The following STXBP6 variants were observed in gnomAD, a reference collection of about 807,000 sequenced individuals.
The protein encoded by STXBP6 is syntaxin-binding protein 6.
A neutral mutation model predicts 26.9 loss-of-function variants in STXBP6; 21 were observed. The observed-to-expected ratio is 0.78, with a 90% CI of 0.55 to 1.12. The LOEUF (loss-of-function observed/expected upper bound fraction) is 1.12, where lower values mean the gene tolerates loss of function less well. Among genes scored for constraint, STXBP6 ranks in the 50% most tolerant of loss-of-function variants. STXBP6 has a pLI of 0.00. For missense variants in STXBP6, 232 were observed against 257.9 expected (o/e 0.90, Z 0.69); for synonymous variants, 97 against 92.6 (o/e 1.05, Z -0.27).
intron 2 of STXBP6, among the ~76,000 whole-genome samples, chr14:24,932,875 G>A (rs1363104516): frequency 6.3e-5 from 6 of 95,556 alleles, no homozygotes; most frequent in Non-Finnish European, 9.2e-5. Context: ...GGTGAACAAA[G>A]AGGAAATCAA....
At chr14:25,027,314 CA>C (rs145615623) in intron 1 of STXBP6, among the ~76,000 whole-genome samples, 7,081 of 152,214 alleles carry the variant, frequency 0.047, 570 homozygotes, top group African/African-American at 0.16. Flanking sequence ...GATAATTTTG[CA>C]ATATTTAAAA....
intron 2 of STXBP6, among the ~76,000 whole-genome samples, chr14:24,917,017 C>T (rs1347291821): frequency 6.6e-6 from 1 of 152,058 alleles, no homozygotes; most frequent in Non-Finnish European, 1.5e-5. Context: ...TGGCACAGAT[C>T]AGCCCCAACA....
chr14:24,933,829 T>TA (rs1317239458), intron 2 of STXBP6, among the ~76,000 whole-genome samples: 1 of 151,984 alleles, frequency 6.6e-6, no homozygotes, highest in African/African-American at 2.4e-5. Context: ...ACGTAATTAT[T>TA]AAAAAAGAAA....
Position 24,861,722 on chromosome 14 carries a change from G to A in STXBP6, c.155-4565C>T, listed in dbSNP as rs951319146. On this transcript the variant is annotated intron_variant, in intron 2 of 5. Coordinates refer to ENST00000323944, the MANE Select transcript of STXBP6 (RefSeq NM_001394410.1). ...TCTCTGCTATAGTTAGTGGGAAATG[G>A]AGCATGGTGCTCTCCACACAGGATT... Among the ~76,000 whole-genome samples, 4 of 152,188 alleles carry A rather than the reference G, an allele frequency of 2.6e-5. No individual in the cohort carries two copies. In the East Asian group the frequency reaches 7.7e-4, roughly 29 times the overall value.
intron 4 of STXBP6, among the ~76,000 whole-genome samples, chr14:24,844,735 C>G (rs779369231): frequency 6.6e-6 from 1 of 152,140 alleles, no homozygotes; most frequent in African/African-American, 2.4e-5. Context: ...ATTTCAGGTG[C>G]TCATGTTGAA....
chr14:24,972,729 G>T (rs1829375473), intron 2 of STXBP6, among the ~76,000 whole-genome samples: 1 of 152,132 alleles, frequency 6.6e-6, no homozygotes, highest in African/African-American at 2.4e-5. Context: ...ACCTGGGCTG[G>T]GTGTGATAGC....
At chr14:24,914,610 G>A (rs767676112) in intron 2 of STXBP6, among the ~76,000 whole-genome samples, 1 of 152,122 alleles carries the variant, frequency 6.6e-6, no homozygotes, top group African/African-American at 2.4e-5. Flanking sequence ...TGCCAGGGCC[G>A]CAGCCCCTCA....
intron 2 of STXBP6, among the ~76,000 whole-genome samples, chr14:24,890,066 G>A (rs909835604): frequency 6.6e-6 from 1 of 152,210 alleles, no homozygotes. Flanking sequence ...GTATTGCTAT[G>A]GACTGCAAAG....
chr14:24,837,066 T>C (rs1386813118), intron 4 of STXBP6, among the ~76,000 whole-genome samples: 1 of 152,230 alleles, frequency 6.6e-6, no homozygotes, highest in East Asian at 1.9e-4. Flanking sequence ...AGAGTATATA[T>C]GGCATTGCAA....
chr14:24,866,925 G>T (rs529960362), intron 2 of STXBP6, among the ~76,000 whole-genome samples: 1 of 151,936 alleles, frequency 6.6e-6, no homozygotes, highest in East Asian at 1.9e-4. Context: ...AACTCATATG[G>T]AAGTTCAAAA....
At chr14:24,981,938 CAAG>C (rs1214096735) in intron 1 of STXBP6, among the ~76,000 whole-genome samples, 1 of 151,994 alleles carries the variant, frequency 6.6e-6, no homozygotes, top group East Asian at 1.9e-4. Flanking sequence ...AGAGTGAAAA[CAAG>C]GAGGTTATAA....
chr14:24,984,629 G>A (rs1184232011), intron 1 of STXBP6, among the ~76,000 whole-genome samples: 1 of 152,186 alleles, frequency 6.6e-6, no homozygotes, highest in East Asian at 1.9e-4. Context: ...TGCCAGTGTA[G>A]TACAATCTGA....
chr14:24,981,197 G>T (rs1301637037), intron 1 of STXBP6, among the ~76,000 whole-genome samples: 4 of 152,110 alleles, frequency 2.6e-5, no homozygotes, highest in African/African-American at 4.8e-5. Context: ...TCCCAAATGT[G>T]TAATCAAGAG....
chr14:25,010,602 A>G (rs1400822479), intron 1 of STXBP6: 1 of 152,224 alleles, frequency 6.6e-6, no homozygotes, highest in African/African-American at 2.4e-5. Flanking sequence ...CTAGTACTTC[A>G]AGGTCCTTAT....
intron 1 of STXBP6, among the ~76,000 whole-genome samples, chr14:24,991,544 G>T (rs1232833479): frequency 1.3e-5 from 2 of 152,102 alleles, no homozygotes; most frequent in South Asian, 4.2e-4. Flanking sequence ...AACTTTCATT[G>T]CCTGTTAGAT....
At chr14:24,962,218 C>T (rs935305838) in intron 2 of STXBP6, among the ~76,000 whole-genome samples, 1 of 152,050 alleles carries the variant, frequency 6.6e-6, no homozygotes, top group Non-Finnish European at 1.5e-5. Flanking sequence ...TCAAAGAGAA[C>T]CTGGTGTAGA....
At chr14:24,916,373 A>C (rs1419315905) in intron 2 of STXBP6, among the ~76,000 whole-genome samples, 1 of 152,168 alleles carries the variant, frequency 6.6e-6, no homozygotes, top group Non-Finnish European at 1.5e-5. Context: ...TTTCTGAGTC[A>C]TGATGTTGAG....
intron 1 of STXBP6, among the ~76,000 whole-genome samples, chr14:25,019,441 T>C (rs2075219764): frequency 6.6e-6 from 1 of 151,970 alleles, no homozygotes; most frequent in African/African-American, 2.4e-5. Flanking sequence ...CACAAAAGAG[T>C]CAAAGAAAAG....
intron 2 of STXBP6, among the ~76,000 whole-genome samples, chr14:24,922,153 CTTAT>C (rs750370381): frequency 1.3e-5 from 2 of 152,060 alleles, no homozygotes; most frequent in Non-Finnish European, 2.9e-5. Flanking sequence ...TCTTCTGACC[CTTAT>C]TTATCTCTTT....
Sources: gnomAD v4.1 joint callset for allele counts (sites outside exome capture counted in the v4.1 genomes callset) on GRCh38, gnomAD v4.1.1 for gene constraint, MANE v1.5 for transcripts, NCBI Gene and HGNC (gene_info 2026-07-23, HGNC 2026-07-21) for gene names.